Variants in ZNF687 observed in about 807,000 individuals in gnomAD.
The protein encoded by ZNF687 is zinc finger protein 687.
A neutral mutation model predicts 71.8 loss-of-function variants in ZNF687; 13 were observed. That is an observed-to-expected ratio of 0.18 (90% confidence interval 0.12 to 0.29). ZNF687 has a LOEUF of 0.29. Among genes scored for constraint, ZNF687 ranks in the 10% least tolerant of loss-of-function variants. ZNF687 has a pLI of 1.00. For synonymous variants in ZNF687, 673 were observed against 641.6 expected, an observed-to-expected ratio of 1.05 and a Z score of -0.74; for missense variants, 1,412 against 1,625.6, an observed-to-expected ratio of 0.87 and a Z score of 2.26.
chr1:151,290,270 CACGTG>C, intron 7 of ZNF687, 36 bp downstream of exon 7: 1 of 1,610,900 alleles, frequency 6.2e-7, no homozygotes, highest in East Asian at 2.2e-5. Context: ...TCCTGCCCAG[CACGTG>C]ACTCTCCCTG....
chr1:151,286,556 A>G lies in ZNF687; in HGVS notation c.265A>G (p.Thr89Ala). 1 of 1,614,206 alleles carries G rather than the reference A, an allele frequency of 6.2e-7. No individual in the cohort carries two copies. The highest frequency in any genetic ancestry group is 8.5e-7 in the Non-Finnish European group (1 of 1,180,026). Residue 89 changes from threonine (T) to alanine (A), a missense_variant, in exon 2 of 9, where the codon ACT becomes GCT. Physicochemically the swap from Thr to Ala is moderately conservative, Grantham distance 58. Around this residue, in one of 8 missense-constraint regions of ZNF687, gnomAD observed 490 missense variants for 489.9 expected, o/e 1.00. Transcript: ENST00000336715. ...TGTAGTCAGTGTCATTGTCAAGAAC[A>G]CTGTGTGTCCCGAGCAGTCTGAGGC... ...ISVVSVIVKN[T>A]VCPEQSEALA...
intron 6 of ZNF687, 53 bp from the exon 7 acceptor site, chr1:151,290,069 A>G (rs1027388474): frequency 1.2e-6 from 2 of 1,610,848 alleles, no homozygotes; most frequent in Non-Finnish European, 1.7e-6. Context: ...CCAGTGTGAC[A>G]GTGGGGACGG....
In ZNF687 at chr1:151,282,324, G is replaced by T. The variant is rs1160446552; in HGVS notation, c.-89G>T. On this transcript the variant is annotated 5_prime_UTR_variant, in exon 1 of 9. Coordinates refer to ENST00000336715, the MANE Select transcript of ZNF687 (RefSeq NM_020832.3). ...AGGAAGTAGCGGCGGCCGCGGGGAG[G>T]GCGGCGGTGGCTGCAGCGGCTGGAG... 18 of 1,001,156 alleles carry T rather than the reference G, an allele frequency of 1.8e-5. No homozygotes were observed. The highest frequency in any genetic ancestry group is 1.9e-5 in the Non-Finnish European group (16 of 837,496). 62.0% of individuals were successfully genotyped at this position (1,001,156 alleles called of 1,614,324 possible). A position where few individuals can be genotyped will look rare whatever the true frequency, so the allele number is the denominator to read the frequency against.
At position 151,289,520 on chromosome 1, in the gene ZNF687, A is replaced by G. The variant is rs1412705670; in HGVS notation, c.2614A>G (p.Thr872Ala). 6.8e-6 allele frequency: 11 copies of G among 1,613,946 alleles called. No individual in the cohort carries two copies. Among genetic ancestry groups the G allele is most frequent in the Admixed American group, 5.0e-5 (3 of 60,016 alleles). The part of the protein sequence containing the change: ...SCPLLFAQKR[T>A]MLEHLKNTHQ... ...TCCTCTGCTCTTTGCCCAAAAAAGG[A>G]CCATGCTGGAACATCTCAAGGTACA... Residue 872 changes from threonine to alanine, a missense_variant, in exon 5 of 9, where the codon ACC becomes GCC. Around this residue, in one of 8 missense-constraint regions of ZNF687, gnomAD observed 106 missense variants for 146.0 expected, o/e 0.73. Transcript: ENST00000336715.
chr1:151,287,714 C>T lies in ZNF687; in HGVS notation c.1423C>T (p.Pro475Ser), dbSNP rs774541085. 3 of 1,613,518 alleles carry T rather than the reference C, an allele frequency of 1.9e-6. No homozygotes were observed. The highest frequency in any genetic ancestry group is 1.7e-5 in the Admixed American group (1 of 59,960). The stretch of plus-strand genomic sequence containing the variant: ...TGGTGCCTCGGTGGTGATGGTGCAA[C>T]CTTCAAAGACAGCTACTGGGCCAAG... ...VNGASVVMVQPSKTATGPSTG... is the reference protein window; with the variant it reads ...VNGASVVMVQSSKTATGPSTG... Residue 475 changes from proline to serine, a missense_variant, in exon 2 of 9, where the codon CCT becomes TCT. Around this residue, in one of 8 missense-constraint regions of ZNF687, gnomAD observed 133 missense variants for 155.1 expected, o/e 0.86. Transcript: ENST00000336715. This position sits in a 1 kb window ranked among gnomAD's most constrained non-coding sequence, Gnocchi z 5.0.
Position 151,289,783 on chromosome 1 carries a change from G to T in ZNF687, c.2740G>T (p.Gly914Trp). 6.4e-7 allele frequency: 1 copy of T among 1,563,010 alleles called. No individual in the cohort carries two copies. Among genetic ancestry groups the T allele is most frequent in the East Asian group, 2.4e-5 (1 of 41,984 alleles). ...EPEELAVSQG[G>W]AAPATEESSS... ...TGAGGAGCTGGCTGTTTCTCAGGGA[G>T]GGGCAGCCCCTGCTACTGAGGAGTC... Residue 914 changes from glycine to tryptophan, a missense_variant, in exon 6 of 9, where the codon GGG becomes TGG. Gly to Trp is a radical substitution (Grantham distance 184). This residue lies in a region of ZNF687 where 135 missense variants were observed against 104.1 expected (regional missense o/e 1.30). Transcript: ENST00000336715.
rs1253108654 is a variant in ZNF687, at chr1:151,288,228, C to T, written c.1937C>T (p.Thr646Ile). Reference protein sequence around the residue: ...GEGAITSSAITTVAAEAPVLP... With the variant: ...GEGAITSSAIITVAAEAPVLP... ...GGGGCCATCACCTCCTCTGCCATTA[C>T]TACAGTTGCTGCTGAGGCCCCTGTC... Residue 646 changes from threonine to isoleucine, a missense_variant, in exon 2 of 9, where the codon ACT becomes ATT. Around this residue, in one of 8 missense-constraint regions of ZNF687, gnomAD observed 207 missense variants for 239.2 expected, o/e 0.87. Coordinates refer to ENST00000336715, the MANE Select transcript of ZNF687 (RefSeq NM_020832.3). 2.1e-5 allele frequency: 34 copies of T among 1,613,672 alleles called. No individual in the cohort carries two copies. The highest frequency in any genetic ancestry group is 6.7e-5 in the Admixed American group (4 of 60,010).
Position 151,289,451 on chromosome 1 carries a change from C to T in ZNF687, c.2545C>T (p.His849Tyr). The change falls in exon 5 of 9, where the codon CAC becomes TAC. Residue 849 changes from histidine (H) to tyrosine (Y), a missense_variant. Around this residue, in one of 8 missense-constraint regions of ZNF687, gnomAD observed 106 missense variants for 146.0 expected, o/e 0.73. Transcript: ENST00000336715. ...CCTCCTCTCCTCACACTTCGACCAGCACTTGCTGCCCCAGCGTGTCAGTGT... is the reference window on the plus strand; with the variant it reads ...CCTCCTCTCCTCACACTTCGACCAGTACTTGCTGCCCCAGCGTGTCAGTGT... Reference protein sequence around the residue: ...KPLLSSHFDQHLLPQRVSVFK... With the variant: ...KPLLSSHFDQYLLPQRVSVFK... The T allele has an allele frequency of 6.2e-7, 1 of 1,614,182 alleles. No individual in the cohort carries two copies. The highest frequency in any genetic ancestry group is 8.5e-7 in the Non-Finnish European group (1 of 1,180,054).
rs758085850 is a variant in ZNF687 at position 151,291,241 on chromosome 1, C to T, written c.*32C>T. On this transcript the variant is annotated 3_prime_UTR_variant, in exon 9 of 9. Coordinates refer to ENST00000336715, the MANE Select transcript of ZNF687 (RefSeq NM_020832.3). ...AGGCCTGGGACTGACCAGCCCCTTCCTCTTGGAGCCTGGTTTTCCCTACTG... is the reference window on the plus strand; with the variant it reads ...AGGCCTGGGACTGACCAGCCCCTTCTTCTTGGAGCCTGGTTTTCCCTACTG... 9 of 1,557,250 alleles carry T rather than the reference C, an allele frequency of 5.8e-6. No individual in the cohort carries two copies. The South Asian group carries it at 7.1e-5, about 12-fold the overall frequency.
chr1:151,287,451 G>C lies in ZNF687; in HGVS notation c.1160G>C (p.Ser387Thr). Residue 387 changes from serine to threonine, a missense_variant, in exon 2 of 9, where the codon AGC becomes ACC. Ser to Thr is a moderately conservative substitution (Grantham distance 58). Coordinates refer to ENST00000336715, the MANE Select transcript of ZNF687 (RefSeq NM_020832.3). The surrounding 1 kb of genome is among the most constrained non-coding windows in gnomAD (Gnocchi z 5.0). The stretch of plus-strand genomic sequence containing the variant: ...ACTTCTGAGGGTCCAAAGGTGGTGA[G>C]CGTACAGTTGGGTGATGGTACAAGG... The part of the protein sequence containing the change: ...TPTSEGPKVV[S>T]VQLGDGTRLK... 6.2e-7 allele frequency: 1 copy of C among 1,614,192 alleles called. No individual in the cohort carries two copies. Among genetic ancestry groups the C allele is most frequent in the Non-Finnish European group, 8.5e-7 (1 of 1,180,044 alleles).
Position 151,288,292 on chromosome 1 carries a change from C to G in ZNF687, c.2001C>G (p.Thr667=), listed in dbSNP as rs1485111475. ...LSTEPPAAPA[T]SAYTCFRCLE... ...CAGAGCCGCCTGCTGCCCCGGCCACCTCTGCTTACACATGCTTTCGCTGCC... is the reference window on the plus strand; with the variant it reads ...CAGAGCCGCCTGCTGCCCCGGCCACGTCTGCTTACACATGCTTTCGCTGCC... Residue 667 remains threonine, a synonymous_variant, in exon 2 of 9, where the codon ACC becomes ACG. Transcript: ENST00000336715. The G allele has an allele frequency of 1.2e-6, 2 of 1,613,498 alleles. No homozygotes were observed. Among genetic ancestry groups the G allele is most frequent in the East Asian group, 2.2e-5 (1 of 44,878 alleles).
At position 151,289,844 on chromosome 1, in the gene ZNF687, C is replaced by A; in HGVS notation, c.2801C>A (p.Ser934Tyr). 6.4e-7 allele frequency: 1 copy of A among 1,567,788 alleles called. No individual in the cohort carries two copies. The highest frequency in any genetic ancestry group is 1.2e-5 in the South Asian group (1 of 85,822). The change falls in exon 6 of 9, where the codon TCC becomes TAC. Residue 934 changes from serine to tyrosine, a missense_variant. Ser to Tyr is a moderately radical substitution (Grantham distance 144). Transcript: ENST00000336715. Reference protein sequence around the residue: ...SSSEEEEVPSSPEPPRPAKRP... With the variant: ...SSSEEEEVPSYPEPPRPAKRP... Reference sequence around the variant, plus strand: ...TCAGAAGAGGAGGAAGTACCCAGCTCCCCTGAGCCCCCCCGTCCAGCCAAA... The same window carrying A: ...TCAGAAGAGGAGGAAGTACCCAGCTACCCTGAGCCCCCCCGTCCAGCCAAA...
In ZNF687 at chr1:151,290,703, A is replaced by G. The variant is rs773651846; in HGVS notation, c.3220-12A>G. 6.3e-6 allele frequency: 10 copies of G among 1,589,276 alleles called. No individual in the cohort carries two copies. In the African/African-American group the frequency reaches 6.8e-5, roughly 11 times the overall value. ...GTGGTGGTAAGGCCCAGTTTCTTCC[A>G]CTTTTCTTCAGGGGCCAGGTCGGAA... On this transcript the variant is annotated splice_polypyrimidine_tract_variant and intron_variant, in intron 8 of 8. Transcript: ENST00000336715.
Position 151,289,672 on chromosome 1 carries a change from T to C in ZNF687, c.2635-6T>C. ...CAACAGCAACCTCCCTTGTCTCCTC[T>C]CACAGAACACCCATCAGTCTGGGCG... On this transcript the variant is annotated splice_polypyrimidine_tract_variant and splice_region_variant and intron_variant, in intron 5 of 8. Transcript: ENST00000336715. 6.3e-7 allele frequency: 1 copy of C among 1,577,650 alleles called. No individual in the cohort carries two copies. Among genetic ancestry groups the C allele is most frequent in the East Asian group, 2.3e-5 (1 of 43,068 alleles).
intron 1 of ZNF687, chr1:151,284,337 G>A (rs989860167): frequency 1.1e-6 from 1 of 894,244 alleles, no homozygotes; most frequent in African/African-American, 1.8e-5. Flanking sequence ...GCTGGCTAGG[G>A]GAGGGCCAGG....
Position 151,290,004 on chromosome 1 carries a change from C to G in ZNF687, c.2961C>G (p.Gly987=). The change falls in exon 6 of 9, where the codon GGC becomes GGG. Residue 987 remains glycine, a synonymous_variant. Coordinates refer to ENST00000336715, the MANE Select transcript of ZNF687 (RefSeq NM_020832.3). ...TGGCCCACATGAAGAAGGAGCATGG[C>G]AAGGTGAGTGGGCCCCAAGGGGAGT... ...EYVAHMKKEH[G]KSVKKFPCRL... is the part of the protein sequence containing the mutation. The G allele has an allele frequency of 6.3e-7, 1 of 1,585,528 alleles. No homozygotes were observed. Among genetic ancestry groups the G allele is most frequent in the Non-Finnish European group, 8.6e-7 (1 of 1,163,458 alleles).
At position 151,282,351 on chromosome 1, in the gene ZNF687, G is replaced by T. The variant is rs1009351506; in HGVS notation, c.-62G>T. ...CGGCGGTGGCTGCAGCGGCTGGAGC[G>T]GGGTAGAGACCGCCGGGTCTCGGCC... On this transcript the variant is annotated 5_prime_UTR_variant, in exon 1 of 9. Transcript: ENST00000336715. 7 of 999,044 alleles carry T rather than the reference G, an allele frequency of 7.0e-6. No individual in the cohort carries two copies. The highest frequency in any genetic ancestry group is 3.5e-5 in the African/African-American group (2 of 57,766). 61.9% of individuals were successfully genotyped at this position (999,044 alleles called of 1,614,324 possible).
chr1:151,286,348 T>C lies in ZNF687; in HGVS notation c.57T>C (p.Pro19=), dbSNP rs1008710080. ...FDDLLAAFDI[P]DIDANEAIHS... The stretch of plus-strand genomic sequence containing the variant: ...ACCTCCTTGCTGCCTTTGACATCCC[T>C]GACATTGATGCGAATGAAGCCATCC... The change falls in exon 2 of 9, where the codon CCT becomes CCC. Residue 19 remains proline (P), a synonymous_variant. Transcript: ENST00000336715. The C allele has an allele frequency of 4.4e-6, 7 of 1,601,096 alleles. No homozygotes were observed. The African/African-American group carries it at 8.1e-5, about 19-fold the overall frequency.
Position 151,290,148 on chromosome 1 carries a change from G to T in ZNF687, c.2991G>T (p.Leu997=). The T allele has an allele frequency of 6.2e-7, 1 of 1,614,052 alleles. No individual in the cohort carries two copies. The highest frequency in any genetic ancestry group is 8.5e-7 in the Non-Finnish European group (1 of 1,180,032). ...GKSVKKFPCR[L]CERSFCSAPS... is the part of the protein sequence containing the mutation. ...CAGTGAAAAAGTTCCCCTGTCGCCT[G>T]TGTGAGCGCTCCTTCTGCTCCGCCC... Residue 997 remains leucine (L), a synonymous_variant, in exon 7 of 9, where the codon CTG becomes CTT. Transcript: ENST00000336715.
Sources: allele counts gnomAD v4.1 joint callset, GRCh38; gene constraint gnomAD v4.1.1; regional missense constraint gnomAD v4.1.1; non-coding constraint Gnocchi (gnomAD v3.1); transcripts MANE v1.5; gene names NCBI Gene and HGNC (gene_info 2026-07-23, HGNC 2026-07-21).